CWC27: variants seen among roughly 807,000 people sequenced by gnomAD.
CWC27 encodes the protein CWC27 spliceosome associated cyclophilin, also known as spliceosome-associated protein CWC27 homolog.
A neutral mutation model predicts 63.6 loss-of-function variants in CWC27; 47 were observed. The observed-to-expected ratio is 0.74, with a 90% CI of 0.58 to 0.94. The LOEUF (loss-of-function observed/expected upper bound fraction) is 0.94. Ranked by LOEUF, CWC27 falls within the 40% of genes least tolerant of loss-of-function variation. The pLI, the probability that CWC27 is intolerant of heterozygous loss-of-function variation, is 0.00. For missense variants in CWC27, 495 were observed against 554.3 expected (o/e 0.89, Z 1.07); for synonymous variants, 175 against 179.8 (o/e 0.97, Z 0.22).
rs1043220033 is a variant in CWC27 at position 64,868,030 on chromosome 5, A to G, written c.939-17413A>G. On this transcript the variant is annotated intron_variant, in intron 10 of 13. Coordinates refer to ENST00000381070, the MANE Select transcript of CWC27 (RefSeq NM_005869.4). ...CAGATTTATTTCCTTTTGAACTACA[A>G]TAGTATTGTGCTGCAGATTCTGAAT... 4.6e-5 allele frequency among the ~76,000 whole-genome samples: 7 copies of G among 152,134 alleles called. 1 individual carries two copies. The highest frequency in any genetic ancestry group is 4.1e-4 in the South Asian group (2 of 4,826).
intron 2 of CWC27, among the ~76,000 whole-genome samples, chr5:64,780,866 A>G (rs1743659850): frequency 6.6e-6 from 1 of 151,964 alleles, no homozygotes; most frequent in Non-Finnish European, 1.5e-5. Context: ...TAGCCATTCT[A>G]GTGGGTGTGA....
At chr5:64,937,956 T>C (rs1263738058) in intron 11 of CWC27, among the ~76,000 whole-genome samples, 3 of 150,558 alleles carry the variant, frequency 2.0e-5, no homozygotes, top group Non-Finnish European at 4.4e-5. Flanking sequence ...CCATTTGCTT[T>C]GTAAATATTC....
intron 1 of CWC27, among the ~76,000 whole-genome samples, chr5:64,772,624 CAAAAAAAAAAAAA>C (rs58675990): frequency 2.5e-4 from 13 of 52,144 alleles, no homozygotes; most frequent in South Asian, 6.3e-4. Context: ...GACTCTGTCT[CAAAAAAAAAAAAA>C]AAAAAAAAAA....
intron 11 of CWC27, among the ~76,000 whole-genome samples, chr5:64,940,505 C>G (rs1748452322): frequency 6.6e-6 from 1 of 152,146 alleles, no homozygotes; most frequent in South Asian, 2.1e-4. Context: ...CAGAAATCAC[C>G]CGCCTTCTGC....
intron 7 of CWC27, among the ~76,000 whole-genome samples, chr5:64,795,686 A>G (rs1382835508): frequency 6.6e-6 from 1 of 152,128 alleles, no homozygotes; most frequent in Non-Finnish European, 1.5e-5. Flanking sequence ...TTGTAATTAC[A>G]TTTGGACCCA....
chr5:64,773,589 C>T (rs1246168094), intron 1 of CWC27, among the ~76,000 whole-genome samples: 2 of 152,110 alleles, frequency 1.3e-5, no homozygotes, highest in Non-Finnish European at 2.9e-5. Context: ...ATACTCTTTA[C>T]TTGAAAGAGC....
At chr5:64,784,090 A>G in intron 4 of CWC27, 111 bp downstream of exon 4, 1 of 908,762 alleles carries the variant, frequency 1.1e-6, no homozygotes, top group African/African-American at 1.7e-5. Context: ...TTGTAAAAAC[A>G]TTCCATAGGA....
intron 11 of CWC27, among the ~76,000 whole-genome samples, chr5:64,952,018 T>C (rs1323538722): frequency 1.3e-5 from 2 of 151,970 alleles, no homozygotes; most frequent in Non-Finnish European, 2.9e-5. Flanking sequence ...TCAGTATCCA[T>C]GGAGGATTGG....
Position 64,804,212 on chromosome 5 carries a change from AT to A in CWC27, c.781-13del. 5 of 1,577,282 alleles carry A rather than the reference AT, an allele frequency of 3.2e-6. No individual in the cohort carries two copies. Among genetic ancestry groups the A allele is most frequent in the African/African-American group, 1.4e-5 (1 of 73,562 alleles). ...GAAATTGAGCACCTGGCAAATACTC[AT>A]TTTCCATTTCTACAGGATGGAGAAG... On this transcript the variant is annotated splice_polypyrimidine_tract_variant and intron_variant, in intron 9 of 13. Coordinates refer to ENST00000381070, the MANE Select transcript of CWC27 (RefSeq NM_005869.4).
chr5:64,969,297 A>G (rs1003791196), intron 11 of CWC27, among the ~76,000 whole-genome samples: 1 of 152,206 alleles, frequency 6.6e-6, no homozygotes, highest in Admixed American at 6.5e-5. Flanking sequence ...AATGTAAGCA[A>G]AGAACTTGTC....
At chr5:64,992,015 G>C (rs185428917) in intron 13 of CWC27, among the ~76,000 whole-genome samples, 169 of 152,112 alleles carry the variant, frequency 1.1e-3, no homozygotes, top group Non-Finnish European at 2.1e-3. Flanking sequence ...TATCCTTTTC[G>C]TGCTTTTTCA....
intron 11 of CWC27, among the ~76,000 whole-genome samples, chr5:64,961,235 G>A (rs924178186): frequency 2.0e-5 from 3 of 152,166 alleles, no homozygotes; most frequent in Non-Finnish European, 2.9e-5. Flanking sequence ...AGGCTCTGCT[G>A]ATAACTCACA....
At chr5:64,859,665 A>G (rs1300307182) in intron 10 of CWC27, among the ~76,000 whole-genome samples, 1 of 152,162 alleles carries the variant, frequency 6.6e-6, no homozygotes, top group Non-Finnish European at 1.5e-5. Flanking sequence ...ATTACTAAAA[A>G]CTAAAGAGAT....
rs372971201 is a variant in CWC27, at chr5:64,971,436, TTAAA to T, written c.1043-263_1043-260del. On this transcript the variant is annotated intron_variant, in intron 11 of 13. Transcript: ENST00000381070. ...TGAGATAGATGATTTTATAATCAAC[TTAAA>T]TAAGGACATGTGAGAAGAACAATTA... Among the ~76,000 whole-genome samples, 764 of 152,344 alleles carry T rather than the reference TTAAA, an allele frequency of 5.0e-3. 5 individuals are homozygous for T. The highest frequency in any genetic ancestry group is 0.017 in the African/African-American group (713 of 41,570).
Position 64,800,261 on chromosome 5 carries a change from A to G in CWC27, c.683A>G (p.Lys228Arg). 1 of 1,611,610 alleles carries G rather than the reference A, an allele frequency of 6.2e-7. No homozygotes were observed. The highest frequency in any genetic ancestry group is 8.5e-7 in the Non-Finnish European group (1 of 1,178,302). The stretch of plus-strand genomic sequence containing the variant: ...CATTCTTTGCAGAGCATGAAGGGCA[A>G]AAGCAAAAGTAGTCATGACTTGCTT... ...VNRVSQSMKG[K>R]SKSSHDLLKD... Residue 228 changes from lysine to arginine, a missense_variant, in exon 8 of 14, where the codon AAA becomes AGA. Lys to Arg is a conservative substitution (Grantham distance 26, BLOSUM62 2). Around this residue, in one of 3 missense-constraint regions of CWC27, gnomAD observed 463 missense variants for 498.1 expected, o/e 0.93. Coordinates refer to ENST00000381070, the MANE Select transcript of CWC27 (RefSeq NM_005869.4).
intron 10 of CWC27, among the ~76,000 whole-genome samples, chr5:64,845,477 G>A (rs914200877): frequency 5.9e-5 from 9 of 152,172 alleles, no homozygotes; most frequent in African/African-American, 2.2e-4. Flanking sequence ...GATAGAAAAT[G>A]TAATAAAATT....
intron 13 of CWC27, among the ~76,000 whole-genome samples, chr5:64,985,576 A>G (rs535312441): frequency 1.3e-5 from 2 of 152,306 alleles, no homozygotes; most frequent in East Asian, 3.9e-4. Flanking sequence ...TGTCATTGTT[A>G]TACAGAAATA....
At chr5:64,977,302 G>C in intron 13 of CWC27, 64 bp downstream of exon 13, 1 of 1,095,824 alleles carries the variant, frequency 9.1e-7, no homozygotes, top group Non-Finnish European at 1.3e-6. Flanking sequence ...GACACTACTG[G>C]GGCATTTCCA....
intron 11 of CWC27, among the ~76,000 whole-genome samples, chr5:64,897,775 G>C (rs1018862065): frequency 1.3e-5 from 2 of 151,998 alleles, no homozygotes; most frequent in Admixed American, 1.3e-4. Flanking sequence ...CAATCAAATC[G>C]TTAAGGCAAA....
Sources: gnomAD v4.1 joint callset for allele counts (sites outside exome capture counted in the v4.1 genomes callset) on GRCh38, gnomAD v4.1.1 for gene constraint, gnomAD v4.1.1 regional missense constraint, MANE v1.5 for transcripts, NCBI Gene and HGNC (gene_info 2026-07-23, HGNC 2026-07-21) for gene names.